The following CNTN5 variants were observed in gnomAD, a reference collection of about 807,000 sequenced individuals.
CNTN5 encodes contactin-5.
In CNTN5, 77 loss-of-function variants were observed where a neutral mutation model predicts 129.1. That is an observed-to-expected ratio of 0.60 (90% CI 0.50 to 0.72). CNTN5 has a LOEUF of 0.72. Ranked by LOEUF, CNTN5 falls within the 30% of genes least tolerant of loss-of-function variation. The probability of loss-of-function intolerance (pLI) is 0.00; values close to 1 mark genes in which losing one functional copy is unlikely to be tolerated. For missense variants in CNTN5, 1,478 were observed against 1,328.8 expected, an observed-to-expected ratio of 1.11 and a Z score of -1.75; for synonymous variants, 509 against 465.6, an observed-to-expected ratio of 1.09 and a Z score of -1.20.
In CNTN5 at chr11:99,433,128, G is replaced by A. The variant is rs563334216; in HGVS notation, c.-71+107644G>A. Among the ~76,000 whole-genome samples, 22 of 152,146 alleles carry A rather than the reference G, an allele frequency of 1.4e-4. No individual in the cohort carries two copies. The East Asian group carries it at 4.3e-3, about 29-fold the overall frequency. ...TGAAAGCAGCCTGAGGAACAAAGAG[G>A]ACATTTACCTCACTTCCCAGCCCAG... On this transcript the variant is annotated intron_variant, in intron 2 of 24. Transcript: ENST00000524871.
chr11:99,951,656 A>G (rs1950679959), intron 7 of CNTN5, among the ~76,000 whole-genome samples: 1 of 152,180 alleles, frequency 6.6e-6, no homozygotes, highest in African/African-American at 2.4e-5. Flanking sequence ...GTTATTTGAT[A>G]GTACCTTTGT....
chr11:99,708,405 A>C (rs1366369990), intron 3 of CNTN5, among the ~76,000 whole-genome samples: 1 of 151,782 alleles, frequency 6.6e-6, no homozygotes, highest in Non-Finnish European at 1.5e-5. Flanking sequence ...AAATACATTC[A>C]TACCACTTTG....
At chr11:99,284,143 G>A (rs1009792912) in intron 1 of CNTN5, among the ~76,000 whole-genome samples, 5 of 151,982 alleles carry the variant, frequency 3.3e-5, no homozygotes, top group Non-Finnish European at 4.4e-5. Context: ...TCAGTGGAGT[G>A]CTTAACACCA....
intron 15 of CNTN5, among the ~76,000 whole-genome samples, chr11:100,208,076 A>T (rs574633928): frequency 6.6e-6 from 1 of 152,286 alleles, no homozygotes; most frequent in Non-Finnish European, 1.5e-5. Context: ...AGAGGAAAAA[A>T]CTACATTTAA....
At chr11:99,120,428 C>T (rs116497589) in intron 1 of CNTN5, 6,962 of 152,238 alleles carry the variant, frequency 0.046, 184 homozygotes, top group Middle Eastern at 0.068. Flanking sequence ...TGCTATTAGT[C>T]TTGTGAATAA....
chr11:100,280,783 A>G (rs188851647), intron 18 of CNTN5, among the ~76,000 whole-genome samples: 193 of 151,888 alleles, frequency 1.3e-3, no homozygotes, highest in African/African-American at 4.6e-3. Flanking sequence ...CTGCCTTCCT[A>G]TTAGTGAAGG....
intron 23 of CNTN5, among the ~76,000 whole-genome samples, chr11:100,349,896 C>T (rs927151410): frequency 2.6e-5 from 4 of 151,760 alleles, no homozygotes; most frequent in Non-Finnish European, 5.9e-5. Context: ...ACTAGCCACA[C>T]GGTCTTGTAC....
intron 3 of CNTN5, among the ~76,000 whole-genome samples, chr11:99,803,474 C>T (rs539696018): frequency 6.6e-6 from 1 of 152,350 alleles, no homozygotes; most frequent in Non-Finnish European, 1.5e-5. Context: ...TGTGCAGCCA[C>T]ACTGCTGGGT....
chr11:99,749,742 T>A (rs1944169866), intron 3 of CNTN5, among the ~76,000 whole-genome samples: 1 of 152,214 alleles, frequency 6.6e-6, no homozygotes, highest in Non-Finnish European at 1.5e-5. Flanking sequence ...CCTACTATAT[T>A]TTCATCTAGC....
intron 2 of CNTN5, among the ~76,000 whole-genome samples, chr11:99,510,438 G>T (rs1047097630): frequency 3.9e-5 from 6 of 152,176 alleles, no homozygotes; most frequent in African/African-American, 1.2e-4. Flanking sequence ...TAATATTACT[G>T]ATATTTAAAC....
chr11:99,895,813 T>C (rs546561210), intron 6 of CNTN5, among the ~76,000 whole-genome samples: 1 of 152,204 alleles, frequency 6.6e-6, no homozygotes, highest in East Asian at 1.9e-4. Flanking sequence ...CCACAAGCTT[T>C]TGGTTTTCTA....
intron 3 of CNTN5, among the ~76,000 whole-genome samples, chr11:99,673,765 A>G (rs912178483): frequency 2.8e-3 from 4 of 1,448 alleles, no homozygotes; most frequent in African/African-American, 3.1e-3. Context: ...GTCCCTGCAG[A>G]AAAAAAAAAA....
intron 2 of CNTN5, among the ~76,000 whole-genome samples, chr11:99,517,643 G>A (rs76951141): frequency 0.066 from 10,001 of 151,866 alleles, 361 homozygotes; most frequent in African/African-American, 0.098. Flanking sequence ...AGCTCACCAC[G>A]CCCCACCTCA....
intron 2 of CNTN5, among the ~76,000 whole-genome samples, chr11:99,518,462 G>A (rs1218377030): frequency 6.6e-6 from 1 of 152,066 alleles, no homozygotes; most frequent in Non-Finnish European, 1.5e-5. Context: ...CATGAAGTGG[G>A]TCTTCAAGCT....
intron 1 of CNTN5, among the ~76,000 whole-genome samples, chr11:99,134,325 T>G (rs7113946): frequency 7.9e-5 from 12 of 152,072 alleles, no homozygotes; most frequent in African/African-American, 2.9e-4. Flanking sequence ...GGTGATGGGT[T>G]GACAGGTGCA....
At chr11:99,745,348 A>T (rs1311064720) in intron 3 of CNTN5, among the ~76,000 whole-genome samples, 2 of 152,312 alleles carry the variant, frequency 1.3e-5, no homozygotes, top group Non-Finnish European at 2.9e-5. Flanking sequence ...AAACATTTTT[A>T]TCCCAAATTT....
At chr11:99,235,354 T>A (rs1423495836) in intron 1 of CNTN5, among the ~76,000 whole-genome samples, 1 of 152,170 alleles carries the variant, frequency 6.6e-6, no homozygotes, top group Non-Finnish European at 1.5e-5. Flanking sequence ...TCCTTACATG[T>A]ATACTTTGGG....
intron 13 of CNTN5, among the ~76,000 whole-genome samples, chr11:100,174,703 C>A (rs1249479177): frequency 1.3e-5 from 2 of 152,068 alleles, no homozygotes; most frequent in South Asian, 2.1e-4. Flanking sequence ...ATCCAGCTGA[C>A]AAAAAGGCGG....
At chr11:99,489,290 T>A (rs547842239) in intron 2 of CNTN5, among the ~76,000 whole-genome samples, 28 of 152,264 alleles carry the variant, frequency 1.8e-4, no homozygotes, top group East Asian at 1.4e-3. Context: ...TAGAGAGTCA[T>A]GTAACTGGAT....
Sources: gnomAD v4.1 joint callset for allele counts (sites outside exome capture counted in the v4.1 genomes callset) on GRCh38, gnomAD v4.1.1 for gene constraint, MANE v1.5 for transcripts, NCBI Gene and HGNC (gene_info 2026-07-23, HGNC 2026-07-21) for gene names.